The following TMCO4 variants were observed in gnomAD, a reference collection of about 807,000 sequenced individuals.
The protein encoded by TMCO4 is transmembrane and coiled-coil domains 4, also known as transmembrane and coiled-coil domain-containing protein 4.
A neutral mutation model predicts 64.7 loss-of-function variants in TMCO4; 58 were observed. The ratio of observed to expected loss-of-function variants is 0.90; its 90% CI spans 0.73 to 1.12. The LOEUF (loss-of-function observed/expected upper bound fraction) is 1.12. TMCO4 is among the 50% of genes most tolerant of loss of function. The pLI, the probability that TMCO4 is intolerant of heterozygous loss-of-function variation, is 0.00. For synonymous variants in TMCO4, 325 were observed against 346.1 expected (o/e 0.94, Z 0.68); for missense variants, 780 against 825.9 (o/e 0.94, Z 0.68).
chr1:19,796,304 G>C (rs998541639), intron 2 of TMCO4, among the ~76,000 whole-genome samples: 2 of 152,224 alleles, frequency 1.3e-5, no homozygotes, highest in Admixed American at 1.3e-4. Context: ...GGGGGGTCAG[G>C]GGTTGCCACG....
intron 4 of TMCO4, among the ~76,000 whole-genome samples, chr1:19,773,497 AG>A (rs2043076988): frequency 6.6e-6 from 1 of 152,200 alleles, no homozygotes; most frequent in African/African-American, 2.4e-5. Context: ...CAGGTGCCCC[AG>A]GGAGGGGACA....
At chr1:19,700,997 C>T (rs189404650) in intron 13 of TMCO4, 112 bp from the exon 14 acceptor site, 24 of 797,304 alleles carry the variant, frequency 3.0e-5, no homozygotes, top group East Asian at 7.7e-5. Flanking sequence ...CATGCACACA[C>T]GTGAACGTGG....
At position 19,694,473 on chromosome 1, in the gene TMCO4, C is replaced by T. The variant is rs1473559232; in HGVS notation, c.1461G>A (p.Leu487=). 7.4e-6 allele frequency: 12 copies of T among 1,614,012 alleles called. No individual in the cohort carries two copies. Among genetic ancestry groups the T allele is most frequent in the East Asian group, 2.2e-5 (1 of 44,894 alleles). Residue 487 remains leucine (L), a synonymous_variant, in exon 15 of 16, where the codon CTG becomes CTA. Transcript: ENST00000294543. ...CCACGTTCTCCACCCTCCTGTCCTG[C>T]AGCAGCACGGGCTGTAGGCCGGCGA... ...LRVAGLQPVL[L]QDRRVENVDL... is the part of the protein sequence containing the mutation.
chr1:19,746,444 T>A lies in TMCO4; in HGVS notation c.757+12A>T. ...AAATTCCTCTGAACCCATCATTCCT[T>A]TTGAACCTTACCTGTCAGGCCAGCT... On this transcript the variant is annotated intron_variant, in intron 9 of 15. Transcript: ENST00000294543. 6.2e-7 allele frequency: 1 copy of A among 1,613,092 alleles called. No homozygotes were observed. Among genetic ancestry groups the A allele is most frequent in the Non-Finnish European group, 8.5e-7 (1 of 1,179,620 alleles).
intron 3 of TMCO4, among the ~76,000 whole-genome samples, chr1:19,783,978 T>G (rs954917240): frequency 5.9e-5 from 9 of 152,172 alleles, no homozygotes; most frequent in Non-Finnish European, 1.3e-4. Context: ...AACCATGAAC[T>G]AAGGGCAGTG....
chr1:19,770,906 G>A (rs1422137458), intron 5 of TMCO4, among the ~76,000 whole-genome samples: 2 of 152,198 alleles, frequency 1.3e-5, no homozygotes, highest in Admixed American at 6.5e-5. Context: ...CTGAAAAGAG[G>A]TGCCACAGCT....
intron 3 of TMCO4, among the ~76,000 whole-genome samples, chr1:19,786,596 G>A (rs1379888455): frequency 1.3e-5 from 2 of 152,200 alleles, no homozygotes; most frequent in Non-Finnish European, 2.9e-5. Context: ...AGCTGCCAAG[G>A]GCTGCCCCAG....
intron 1 of TMCO4, among the ~76,000 whole-genome samples, chr1:19,798,457 C>T (rs116271018): frequency 2.7e-4 from 41 of 152,320 alleles, no homozygotes; most frequent in African/African-American, 8.7e-4. Context: ...CTCCTTGGGC[C>T]TTAGGACTAA....
chr1:19,790,256 A>G (rs115659424), intron 2 of TMCO4, among the ~76,000 whole-genome samples: 3,545 of 152,240 alleles, frequency 0.023, 143 homozygotes, highest in African/African-American at 0.081. Context: ...ACATAGGCAC[A>G]GGCACAGATG....
In TMCO4 at chr1:19,686,789, C is replaced by T. The variant is rs2095152609; in HGVS notation, c.1501-3345G>A. Among the ~76,000 whole-genome samples, 3 of 152,254 alleles carry T rather than the reference C, an allele frequency of 2.0e-5. No homozygotes were observed. The South Asian group carries it at 6.2e-4, about 32-fold the overall frequency. Reference sequence around the variant, plus strand: ...GTCTCTTACCAGTAACTGGGCCAGTCCTCACAATTTCCTGAACCACAGCTT... The same window carrying T: ...GTCTCTTACCAGTAACTGGGCCAGTTCTCACAATTTCCTGAACCACAGCTT... On this transcript the variant is annotated intron_variant, in intron 15 of 15. Transcript: ENST00000294543.
At chr1:19,757,159 C>CGG (rs113533292) in intron 6 of TMCO4, among the ~76,000 whole-genome samples, 2,542 of 135,372 alleles carry the variant, frequency 0.019, 104 homozygotes, top group African/African-American at 0.056. Flanking sequence ...GGCGTGGTGG[C>CGG]GGGGGGGGGC....
intron 4 of TMCO4, among the ~76,000 whole-genome samples, chr1:19,779,978 T>C (rs1388473076): frequency 6.6e-6 from 1 of 152,074 alleles, no homozygotes; most frequent in African/African-American, 2.4e-5. Context: ...CCCCACCAGA[T>C]TGTGAGTTCC....
intron 15 of TMCO4, among the ~76,000 whole-genome samples, chr1:19,693,774 C>A (rs900044423): frequency 1.3e-5 from 2 of 152,222 alleles, no homozygotes; most frequent in Non-Finnish European, 2.9e-5. Context: ...CAGGCAGGTG[C>A]TTCTGCTTTT....
At chr1:19,689,321 G>T (rs113165782) in intron 15 of TMCO4, among the ~76,000 whole-genome samples, 3,182 of 152,270 alleles carry the variant, frequency 0.021, 98 homozygotes, top group African/African-American at 0.069. Flanking sequence ...CTATTATTAG[G>T]CAGGAGCTGG....
intron 14 of TMCO4, among the ~76,000 whole-genome samples, chr1:19,697,188 T>C (rs1031313600): frequency 2.6e-5 from 4 of 152,208 alleles, no homozygotes; most frequent in Admixed American, 2.6e-4. Context: ...TGGGTTCCTA[T>C]AGCCATCCTT....
At chr1:19,793,949 C>T (rs535828841) in intron 2 of TMCO4, among the ~76,000 whole-genome samples, 1 of 152,274 alleles carries the variant, frequency 6.6e-6, no homozygotes, top group Admixed American at 6.5e-5. Context: ...CCATGCCCTT[C>T]CTCTGCTCCA....
chr1:19,754,262 G>A (rs1475327238), intron 7 of TMCO4, among the ~76,000 whole-genome samples: 1 of 152,094 alleles, frequency 6.6e-6, no homozygotes, highest in Admixed American at 6.6e-5. Context: ...ATAACTGAGA[G>A]GTTCCTTAAT....
rs983352596 is a variant in TMCO4 at position 19,780,631 on chromosome 1, G to A, written c.128C>T (p.Ala43Val). Reference protein sequence around the residue: ...ELTEANRFAYAALCGISLSQL... With the variant: ...ELTEANRFAYVALCGISLSQL... ...GGACAGGGAGATGCCACAGAGGGCA[G>A]CATAGGCGAAGCGGTTGGCCTCAGT... The change falls in exon 4 of 16, where the codon GCT becomes GTT. Residue 43 changes from alanine to valine, a missense_variant. Physicochemically the swap from Ala to Val is moderately conservative, Grantham distance 64. Coordinates refer to ENST00000294543, the MANE Select transcript of TMCO4 (RefSeq NM_181719.7). The A allele has an allele frequency of 1.9e-6, 3 of 1,613,790 alleles. No homozygotes were observed. In the Admixed American group the frequency reaches 5.0e-5, roughly 27 times the overall value.
chr1:19,690,931 C>A (rs2095188491), intron 15 of TMCO4, among the ~76,000 whole-genome samples: 2 of 141,088 alleles, frequency 1.4e-5, no homozygotes, highest in Admixed American at 1.5e-4. Context: ...TGCAGTGGTA[C>A]CCTCTCGGCT....
Sources: gnomAD v4.1 joint callset for allele counts (sites outside exome capture counted in the v4.1 genomes callset) on GRCh38, gnomAD v4.1.1 for gene constraint, MANE v1.5 for transcripts, NCBI Gene and HGNC (gene_info 2026-07-23, HGNC 2026-07-21) for gene names.